Variants in SPSB2 observed in about 807,000 individuals in gnomAD.
SPSB2 encodes splA/ryanodine receptor domain and SOCS box containing 2.
A neutral mutation model predicts 19.2 loss-of-function variants in SPSB2; 25 were observed. The observed-to-expected ratio is 1.30, with a 90% CI of 0.95 to 1.82. The LOEUF (loss-of-function observed/expected upper bound fraction) is 1.82. Among genes scored for constraint, SPSB2 ranks in the 40% most tolerant of loss-of-function variants. SPSB2 has a pLI of 0.00. For missense variants in SPSB2, 413 were observed against 344.9 expected (o/e 1.20, Z -1.56); for synonymous variants, 153 against 154.9 (o/e 0.99, Z 0.09).
Position 6,872,349 on chromosome 12 carries a change from T to C in SPSB2, c.553A>G (p.Thr185Ala). 6.2e-7 allele frequency: 1 copy of C among 1,614,144 alleles called. No homozygotes were observed. The highest frequency in any genetic ancestry group is 8.5e-7 in the Non-Finnish European group (1 of 1,180,002). Reference protein sequence around the residue: ...EGTLGYAIGGTYLGPAFRGLK... With the variant: ...EGTLGYAIGGAYLGPAFRGLK... ...CCGCGGAATGCTGGCCCCAGGTAGG[T>C]GCCCCCAATAGCGTAGCCCAGAGTT... Residue 185 changes from threonine to alanine, a missense_variant, in exon 2 of 3, where the codon ACC becomes GCC. Coordinates refer to ENST00000524270, the MANE Select transcript of SPSB2 (RefSeq NM_032641.4).
intron 2 of SPSB2, 82 bp from the exon 3 acceptor site, chr12:6,871,401 G>A: frequency 6.9e-7 from 1 of 1,450,924 alleles, no homozygotes; most frequent in South Asian, 1.3e-5. Flanking sequence ...CTACTCAGAT[G>A]CCTTTCTGCT....
chr12:6,872,069 GTTAAA>G (rs2138101120), intron 2 of SPSB2, 164 bp downstream of exon 2: 3 of 1,566,242 alleles, frequency 1.9e-6, no homozygotes, highest in Non-Finnish European at 2.6e-6. Flanking sequence ...TTGCTGTTGG[GTTAAA>G]TTAAATAACA....
intron 2 of SPSB2, 145 bp downstream of exon 2, chr12:6,872,093 G>A (rs782514286): frequency 6.3e-6 from 10 of 1,594,074 alleles, no homozygotes; most frequent in Non-Finnish European, 8.6e-6. Flanking sequence ...CAGCTGTGAA[G>A]ACCCCTAGCC....
At chr12:6,871,747 G>GCT (rs1944598674) in intron 2 of SPSB2, 1 of 357,128 alleles carries the variant, frequency 2.8e-6, no homozygotes. Flanking sequence ...CTCCTCCACT[G>GCT]CTCTCCTCCC....
intron 2 of SPSB2, 26 bp downstream of exon 2, chr12:6,872,212 C>T (rs1381244043): frequency 8.1e-6 from 13 of 1,613,844 alleles, no homozygotes; most frequent in Non-Finnish European, 1.0e-5. Flanking sequence ...ACAGAAAGTT[C>T]TCCCCACGTC....
rs1315694116 is a variant in SPSB2, at chr12:6,870,952, C to T, written c.*240G>A. The T allele has an allele frequency of 1.0e-5, 7 of 669,900 alleles. No homozygotes were observed. In the South Asian group the frequency reaches 1.1e-4, roughly 10 times the overall value. 41.5% of individuals were successfully genotyped at this position (669,900 alleles called of 1,614,324 possible). On this transcript the variant is annotated 3_prime_UTR_variant, in exon 3 of 3. Transcript: ENST00000524270. The stretch of plus-strand genomic sequence containing the variant: ...AGAACAGGTTTCTATAACAACATCT[C>T]TTACTATTTTTACTTGAAAAAATGT...
In SPSB2 at chr12:6,872,880, C is replaced by G. The variant is rs782041206; in HGVS notation, c.22G>C (p.Gly8Arg). The G allele has an allele frequency of 1.9e-6, 3 of 1,585,728 alleles. No individual in the cohort carries two copies. Among genetic ancestry groups the G allele is most frequent in the Non-Finnish European group, 2.6e-6 (3 of 1,162,060 alleles). The stretch of plus-strand genomic sequence containing the variant: ...GGCGTGGGGGTGCTGCTGCTGCCCC[C>G]TGCCAGAGCTGTCTGGCCCATGGAG... MGQTALA[G>R]GSSSTPTPQA... is the part of the protein sequence containing the mutation. The change falls in exon 2 of 3, where the codon GGG (glycine) becomes CGG (arginine). Residue 8 changes from glycine to arginine, a missense_variant. Transcript: ENST00000524270.
intron 2 of SPSB2, chr12:6,871,896 C>G: frequency 2.8e-6 from 3 of 1,076,488 alleles, no homozygotes; most frequent in Non-Finnish European, 3.8e-6. Flanking sequence ...TCTTTTGGAC[C>G]TGTACATCAA....
rs782089003 is a variant in SPSB2 at position 6,872,259 on chromosome 12, G to T, written c.643C>A (p.Arg215Ser). 1.2e-6 allele frequency: 2 copies of T among 1,613,998 alleles called. No individual in the cohort carries two copies. Among genetic ancestry groups the T allele is most frequent in the Non-Finnish European group, 8.5e-7 (1 of 1,180,042 alleles). Residue 215 changes from arginine to serine, a missense_variant, in exon 2 of 3, where the codon CGC (arginine) becomes AGC (serine). Transcript: ENST00000524270. ...AVWGQCQVRIRYLGERRAEPH... is the reference protein window; with the variant it reads ...AVWGQCQVRISYLGERRAEPH... The stretch of plus-strand genomic sequence containing the variant: ...TCACCTCTCCTTTCGCCCAGGTAGC[G>T]GATGCGGACCTGGCACTGGCCCCAG...
chr12:6,871,384 C>T (rs149851123), intron 2 of SPSB2, 65 bp from the exon 3 acceptor site: 697 of 1,549,568 alleles, frequency 4.5e-4, no homozygotes, highest in Admixed American at 9.9e-4. Flanking sequence ...CCTCAAACTA[C>T]GGGGTCCTAC....
In SPSB2 at chr12:6,872,967, G is replaced by T; in HGVS notation, c.-66C>A. 8.4e-7 allele frequency: 1 copy of T among 1,192,718 alleles called. No individual in the cohort carries two copies. Among genetic ancestry groups the T allele is most frequent in the South Asian group, 1.5e-5 (1 of 65,002 alleles). 73.9% of individuals were successfully genotyped at this position (1,192,718 alleles called of 1,614,324 possible). A position where few individuals can be genotyped will look rare whatever the true frequency, so the allele number is the denominator to read the frequency against. On this transcript the variant is annotated 5_prime_UTR_variant, in exon 2 of 3. Coordinates refer to ENST00000524270, the MANE Select transcript of SPSB2 (RefSeq NM_032641.4). ...GGGGCGTCTTTCTCTTCTGAAAGTT[G>T]AGCTCCAGTTTGGATTGACCTGGAA...
chr12:6,871,335 A>T lies in SPSB2; in HGVS notation c.665-16T>A, dbSNP rs782265782. On this transcript the variant is annotated splice_polypyrimidine_tract_variant and intron_variant, in intron 2 of 2. Transcript: ENST00000524270. Reference sequence around the variant, plus strand: ...TGTGGCTCCGCTGGGAGAGAGAAGGAGGGGAATGTAAGTATGGGTGCAGCC... The same window carrying T: ...TGTGGCTCCGCTGGGAGAGAGAAGGTGGGGAATGTAAGTATGGGTGCAGCC... 2 of 1,608,408 alleles carry T rather than the reference A, an allele frequency of 1.2e-6. No individual in the cohort carries two copies. The highest frequency in any genetic ancestry group is 2.2e-5 in the South Asian group (2 of 90,364).
rs782065343 is a variant in SPSB2 at position 6,872,486 on chromosome 12, T to G, written c.416A>C (p.Lys139Thr). The G allele has an allele frequency of 6.2e-7, 1 of 1,613,344 alleles. No homozygotes were observed. Among genetic ancestry groups the G allele is most frequent in the Non-Finnish European group, 8.5e-7 (1 of 1,179,858 alleles). ...ESWGWDIGRG[K>T]LYHQSKGPGA... ...GGGCCCCTTGCTCTGATGGTACAGC[T>G]TCCCCCGCCCGATGTCCCAGCCCCA... Residue 139 changes from lysine to threonine, a missense_variant, in exon 2 of 3, where the codon AAG becomes ACG. Lys to Thr is a moderately conservative substitution (Grantham distance 78, BLOSUM62 -1). Coordinates refer to ENST00000524270, the MANE Select transcript of SPSB2 (RefSeq NM_032641.4).
chr12:6,871,661 G>C, intron 2 of SPSB2: 3 of 393,088 alleles, frequency 7.6e-6, no homozygotes, highest in South Asian at 3.2e-5. Flanking sequence ...CACAACTGCA[G>C]AGAGCAGCTC....
Position 6,872,467 on chromosome 12 carries a change from C to T in SPSB2, c.435G>A (p.Lys145=), listed in dbSNP as rs782364096. The change falls in exon 2 of 3, where the codon AAG becomes AAA. Residue 145 remains lysine, a synonymous_variant. Coordinates refer to ENST00000524270, the MANE Select transcript of SPSB2 (RefSeq NM_032641.4). The part of the protein sequence containing the change: ...IGRGKLYHQS[K]GPGAPQYPAG... Reference sequence around the variant, plus strand: ...CTGGATACTGGGGGGCTCCGGGCCCCTTGCTCTGATGGTACAGCTTCCCCC... The same window carrying T: ...CTGGATACTGGGGGGCTCCGGGCCCTTTGCTCTGATGGTACAGCTTCCCCC... The T allele has an allele frequency of 6.3e-5, 101 of 1,613,942 alleles. No homozygotes were observed. Among genetic ancestry groups the T allele is most frequent in the Non-Finnish European group, 8.2e-5 (97 of 1,180,036 alleles).
In SPSB2 at chr12:6,871,271, T is replaced by TTGTGGC. The variant is rs1555133358; in HGVS notation, c.707_712dup (p.His237_Asn238insSerHis). On this transcript the variant is annotated inframe_insertion, in exon 3 of 3. Coordinates refer to ENST00000524270, the MANE Select transcript of SPSB2 (RefSeq NM_032641.4). ...CTGGCCGAGCCGGGTATCCCCCAGG[T>TTGTGGC]TGTGGCGCACACACAGGCGGCTCAG... is the stretch of plus-strand genomic sequence containing the variant. The TTGTGGC allele has an allele frequency of 6.2e-7, 1 of 1,613,948 alleles. No homozygotes were observed. The highest frequency in any genetic ancestry group is 8.5e-7 in the Non-Finnish European group (1 of 1,179,974).
At position 6,870,974 on chromosome 12, in the gene SPSB2, A is replaced by G. The variant is rs781945784; in HGVS notation, c.*218T>C. On this transcript the variant is annotated 3_prime_UTR_variant, in exon 3 of 3. Coordinates refer to ENST00000524270, the MANE Select transcript of SPSB2 (RefSeq NM_032641.4). ...TCTCTTACTATTTTTACTTGAAAAA[A>G]TGTTTTGCGTAGCAGACTGTCATAG... is the stretch of plus-strand genomic sequence containing the variant. The G allele has an allele frequency of 3.0e-5, 21 of 688,944 alleles. No individual in the cohort carries two copies. Among genetic ancestry groups the G allele is most frequent in the Non-Finnish European group, 4.9e-5 (19 of 384,518 alleles). The allele number at this position is 688,944 out of a possible 1,614,324, so 42.7% of individuals were successfully genotyped here.
chr12:6,872,278 G>A lies in SPSB2; in HGVS notation c.624C>T (p.Gly208=), dbSNP rs146823015. The A allele has an allele frequency of 4.4e-4, 717 of 1,614,126 alleles. 3 individuals carry two copies. In the African/African-American group the frequency reaches 7.0e-3, roughly 16 times the overall value. Residue 208 remains glycine, a synonymous_variant, in exon 2 of 3, where the codon GGC becomes GGT. Transcript: ENST00000524270. ...TLYPAVSAVW[G]QCQVRIRYLG... The stretch of plus-strand genomic sequence containing the variant: ...GGTAGCGGATGCGGACCTGGCACTG[G>A]CCCCAGACAGCGCTTACTGCCGGAT...
Position 6,872,245 on chromosome 12 carries a change from T to C in SPSB2, c.657A>G (p.Glu219=), listed in dbSNP as rs782325131. The stretch of plus-strand genomic sequence containing the variant: ...GTCTGCCCCAGGCCTCACCTCTCCT[T>C]TCGCCCAGGTAGCGGATGCGGACCT... ...QCQVRIRYLG[E]RRAEPHSLLH... The change falls in exon 2 of 3, where the codon GAA becomes GAG. Residue 219 remains glutamate, a synonymous_variant. Transcript: ENST00000524270. 1 of 1,613,942 alleles carries C rather than the reference T, an allele frequency of 6.2e-7. No individual in the cohort carries two copies. Among genetic ancestry groups the C allele is most frequent in the Non-Finnish European group, 8.5e-7 (1 of 1,180,018 alleles).
Sources: gnomAD v4.1 joint callset for allele counts on GRCh38, gnomAD v4.1.1 for gene constraint, MANE v1.5 for transcripts, NCBI Gene and HGNC (gene_info 2026-07-23, HGNC 2026-07-21) for gene names.